Variants in SYN3 observed in about 807,000 individuals in gnomAD.
SYN3 encodes the protein synapsin-3.
In SYN3, 35 loss-of-function variants were observed where a neutral mutation model predicts 65.8. The ratio of observed to expected loss-of-function variants is 0.53; its 90% CI spans 0.41 to 0.70. The LOEUF is 0.70. Among genes scored for constraint, SYN3 ranks in the 30% least tolerant of loss-of-function variants. SYN3 has a pLI of 0.00. For missense variants in SYN3, 680 were observed against 749.0 expected, an observed-to-expected ratio of 0.91 and a Z score of 1.08; for synonymous variants, 270 against 292.9, an observed-to-expected ratio of 0.92 and a Z score of 0.80.
chr22:32,597,635 C>T (rs187989483), intron 6 of SYN3, among the ~76,000 whole-genome samples: 5 of 152,302 alleles, frequency 3.3e-5, no homozygotes, highest in East Asian at 1.9e-4. Flanking sequence ...CTGGCACAAG[C>T]GTTTATCGAC....
chr22:33,040,557 G>T (rs764733537), intron 1 of SYN3, among the ~76,000 whole-genome samples: 11 of 152,032 alleles, frequency 7.2e-5, no homozygotes, highest in Non-Finnish European at 1.2e-4. Context: ...CACTACAGTT[G>T]CTCCTCGATA....
intron 2 of SYN3, among the ~76,000 whole-genome samples, chr22:32,997,722 AAG>A (rs1340131491): frequency 1.3e-5 from 2 of 152,088 alleles, no homozygotes; most frequent in East Asian, 1.9e-4. Flanking sequence ...GAGAGGGAAA[AAG>A]AGAATTTTAA....
At chr22:32,639,577 T>C (rs1235481878) in intron 6 of SYN3, among the ~76,000 whole-genome samples, 1 of 152,120 alleles carries the variant, frequency 6.6e-6, no homozygotes, top group Non-Finnish European at 1.5e-5. Flanking sequence ...TTGCCCAGGA[T>C]GGAATGTAGT....
chr22:32,794,246 T>G (rs918999493), intron 6 of SYN3, among the ~76,000 whole-genome samples: 19 of 152,218 alleles, frequency 1.2e-4, no homozygotes, highest in Admixed American at 1.2e-3. Context: ...AGCAACCTTC[T>G]GAGGAGAAAC....
intron 1 of SYN3, among the ~76,000 whole-genome samples, chr22:33,023,976 G>A (rs1489320074): frequency 2.0e-5 from 3 of 152,104 alleles, no homozygotes; most frequent in Non-Finnish European, 2.9e-5. Flanking sequence ...CATCTAGAAC[G>A]CTGGCCTCTC....
At chr22:32,646,496 A>G (rs1302691872) in intron 6 of SYN3, among the ~76,000 whole-genome samples, 1 of 152,208 alleles carries the variant, frequency 6.6e-6, no homozygotes, top group African/African-American at 2.4e-5. Flanking sequence ...GTTTCCATAA[A>G]TATTTACACC....
chr22:32,995,240 C>T (rs2052844488), intron 2 of SYN3, among the ~76,000 whole-genome samples: 1 of 152,186 alleles, frequency 6.6e-6, no homozygotes. Flanking sequence ...TAAGGCCAAC[C>T]TCTCACTGGC....
chr22:32,807,273 T>A (rs2046765519), intron 6 of SYN3, among the ~76,000 whole-genome samples: 1 of 140,142 alleles, frequency 7.1e-6, no homozygotes. Context: ...CTTTTATTAC[T>A]GTGGATTGAT....
At chr22:32,944,080 C>T (rs185938334) in intron 3 of SYN3, among the ~76,000 whole-genome samples, 4 of 152,302 alleles carry the variant, frequency 2.6e-5, no homozygotes, top group African/African-American at 9.6e-5. Flanking sequence ...TTGAACTCAG[C>T]TCTGCACCAA....
intron 4 of SYN3, among the ~76,000 whole-genome samples, chr22:32,884,211 TA>T (rs2049227715): frequency 6.6e-6 from 1 of 152,242 alleles, no homozygotes; most frequent in Non-Finnish European, 1.5e-5. Flanking sequence ...GAGCATGAAC[TA>T]CCCTTTGAGA....
chr22:32,877,312 C>T (rs540305530), intron 4 of SYN3, among the ~76,000 whole-genome samples: 2 of 152,180 alleles, frequency 1.3e-5, no homozygotes, highest in Admixed American at 6.5e-5. Context: ...TCATTTAAAC[C>T]TAACAAGGAA....
intron 3 of SYN3, among the ~76,000 whole-genome samples, chr22:32,959,002 G>A (rs2051555750): frequency 6.6e-6 from 1 of 152,006 alleles, no homozygotes; most frequent in Non-Finnish European, 1.5e-5. Context: ...AGACCAGCCT[G>A]GCCAACATGG....
chr22:32,779,784 TG>T (rs1196794296), intron 6 of SYN3, among the ~76,000 whole-genome samples: 2 of 152,082 alleles, frequency 1.3e-5, no homozygotes, highest in African/African-American at 4.8e-5. Context: ...GTTACTACCG[TG>T]ATGTCCTTGC....
intron 6 of SYN3, among the ~76,000 whole-genome samples, chr22:32,746,132 G>A (rs1488309800): frequency 6.6e-6 from 1 of 152,206 alleles, no homozygotes; most frequent in Non-Finnish European, 1.5e-5. Flanking sequence ...TCAGTTCACA[G>A]AGTTGCTATG....
chr22:32,831,442 C>A (rs569642920), intron 6 of SYN3, among the ~76,000 whole-genome samples: 2 of 152,212 alleles, frequency 1.3e-5, no homozygotes, highest in East Asian at 3.9e-4. Context: ...GCCAGATGAT[C>A]AGGGCAGCGG....
chr22:32,677,665 G>C (rs1229734858), intron 6 of SYN3, among the ~76,000 whole-genome samples: 1 of 152,076 alleles, frequency 6.6e-6, no homozygotes, highest in Non-Finnish European at 1.5e-5. Flanking sequence ...GCCGGTCGTG[G>C]TGGCGGGCGC....
At chr22:32,762,864 G>T (rs535528618) in intron 6 of SYN3, among the ~76,000 whole-genome samples, 4 of 119,480 alleles carry the variant, frequency 3.3e-5, no homozygotes, top group East Asian at 5.5e-4. Context: ...GCTGTTGAGA[G>T]AATGCACAGG....
At chr22:32,685,579 A>C (rs1347845340) in intron 6 of SYN3, among the ~76,000 whole-genome samples, 7 of 152,216 alleles carry the variant, frequency 4.6e-5, no homozygotes, top group African/African-American at 1.7e-4. Flanking sequence ...TCAGTAGTAC[A>C]TAGCATGCTG....
chr22:32,840,055 C>G (rs748377084), intron 6 of SYN3, among the ~76,000 whole-genome samples: 1 of 151,960 alleles, frequency 6.6e-6, no homozygotes, highest in African/African-American at 2.4e-5. Context: ...CTGGGGACCC[C>G]GGAACACAAG....
Sources: gnomAD v4.1 joint callset for allele counts (sites outside exome capture counted in the v4.1 genomes callset) on GRCh38, gnomAD v4.1.1 for gene constraint, MANE v1.5 for transcripts, NCBI Gene and HGNC (gene_info 2026-07-23, HGNC 2026-07-21) for gene names.